Variants in PSMA8 observed in about 807,000 individuals in gnomAD.
PSMA8 encodes the protein proteasome subunit alpha-type 8.
A neutral mutation model predicts 32.4 loss-of-function variants in PSMA8; 18 were observed. That is an observed-to-expected ratio of 0.56 (90% CI 0.38 to 0.82). The LOEUF (loss-of-function observed/expected upper bound fraction) is 0.82, where lower values mean the gene tolerates loss of function less well. PSMA8 is among the 40% of genes least tolerant of loss of function. The probability of loss-of-function intolerance (pLI) is 0.00; values close to 1 mark genes in which losing one functional copy is unlikely to be tolerated. For missense variants in PSMA8, 298 were observed against 300.7 expected (o/e 0.99, Z 0.07); for synonymous variants, 104 against 98.1 (o/e 1.06, Z -0.36).
chr18:26,175,037 C>T (rs1458739111), intron 4 of PSMA8, among the ~76,000 whole-genome samples: 1 of 152,190 alleles, frequency 6.6e-6, no homozygotes, highest in African/African-American at 2.4e-5. Context: ...ATATAATCCT[C>T]CAATTTATTG....
chr18:26,147,711 G>A lies in PSMA8; in HGVS notation c.229+3026G>A, dbSNP rs149785890. The stretch of plus-strand genomic sequence containing the variant: ...TAAATTTGAGAAAAAGAAGTATAAA[G>A]ATCAGAACATAGATAAATAACAGAA... On this transcript the variant is annotated intron_variant, in intron 2 of 6. Transcript: ENST00000415576. Among the ~76,000 whole-genome samples, 1,252 of 152,080 alleles carry A rather than the reference G, an allele frequency of 8.2e-3. 17 individuals carry two copies. Among genetic ancestry groups the A allele is most frequent in the African/African-American group, 0.029 (1,196 of 41,508 alleles).
In PSMA8 at chr18:26,162,330, C is replaced by G. The variant is rs539554490; in HGVS notation, c.477+4086C>G. On this transcript the variant is annotated intron_variant, in intron 4 of 6. Coordinates refer to ENST00000415576, the MANE Select transcript of PSMA8 (RefSeq NM_001025096.2). The stretch of plus-strand genomic sequence containing the variant: ...CCATCCCCTTTCCCTCCTCTGCCCT[C>G]CCCTGTTAACCACCATTCTATTCTC... Among the ~76,000 whole-genome samples the G allele has an allele frequency of 3.9e-5, 6 of 152,172 alleles. No individual in the cohort carries two copies. In the South Asian group the frequency reaches 1.2e-3, roughly 32 times the overall value.
At chr18:26,142,266 C>T (rs528809534) in intron 1 of PSMA8, among the ~76,000 whole-genome samples, 10 of 152,106 alleles carry the variant, frequency 6.6e-5, no homozygotes, top group Admixed American at 6.5e-4. Context: ...GTCTCTATCT[C>T]CTGACCTCGT....
chr18:26,157,677 T>A (rs1598652709), intron 3 of PSMA8, among the ~76,000 whole-genome samples: 1 of 152,206 alleles, frequency 6.6e-6, no homozygotes, highest in Admixed American at 6.5e-5. Context: ...GTGAACAGAA[T>A]GTCCTTGATA....
Position 26,178,893 on chromosome 18 carries a change from G to A in PSMA8, c.541G>A (p.Asp181Asn), listed in dbSNP as rs1295881685. The change falls in exon 5 of 7, where the codon GAT becomes AAT. Residue 181 changes from aspartate (D) to asparagine (N), a missense_variant. Asp to Asn is a conservative substitution (Grantham distance 23). Coordinates refer to ENST00000415576, the MANE Select transcript of PSMA8 (RefSeq NM_001025096.2). Reference protein sequence around the residue: ...REFLEKNYTEDAIASDSEAIK... With the variant: ...REFLEKNYTENAIASDSEAIK... ...ATTTCTAGAAAAGAATTACACAGAA[G>A]ATGCCATAGCAAGTGACAGTGAAGC... 1 of 1,613,834 alleles carries A rather than the reference G, an allele frequency of 6.2e-7. No homozygotes were observed. Among genetic ancestry groups the A allele is most frequent in the Non-Finnish European group, 8.5e-7 (1 of 1,179,790 alleles).
At chr18:26,170,232 A>G (rs1205572165) in intron 4 of PSMA8, among the ~76,000 whole-genome samples, 2 of 127,326 alleles carry the variant, frequency 1.6e-5, no homozygotes, top group South Asian at 2.2e-4. Flanking sequence ...GGGTTCCCCA[A>G]TCTAAGACAG....
chr18:26,136,414 CATCAA>C (rs1568051609), intron 1 of PSMA8, among the ~76,000 whole-genome samples: 1 of 152,186 alleles, frequency 6.6e-6, no homozygotes, highest in Non-Finnish European at 1.5e-5. Context: ...ACAATGTAGC[CATCAA>C]AGTCTTCCAT....
intron 6 of PSMA8, among the ~76,000 whole-genome samples, chr18:26,179,914 C>A (rs564014647): frequency 2.0e-5 from 3 of 148,940 alleles, no homozygotes; most frequent in African/African-American, 7.4e-5. Flanking sequence ...ACAAGACCCC[C>A]ATCTCTATGA....
At chr18:26,140,017 TC>T in intron 1 of PSMA8, 1 of 702,642 alleles carries the variant, frequency 1.4e-6, no homozygotes, top group Non-Finnish European at 2.6e-6. Flanking sequence ...TTCATAGATC[TC>T]CATACTTTAT....
chr18:26,134,367 C>T (rs7230695), intron 1 of PSMA8, among the ~76,000 whole-genome samples: 1 of 131,906 alleles, frequency 7.6e-6, no homozygotes, highest in African/African-American at 3.5e-5. Flanking sequence ...GTGTGTGTCT[C>T]TGTGTGTGTG....
chr18:26,179,755 C>T (rs1431713229), intron 6 of PSMA8, among the ~76,000 whole-genome samples: 2 of 151,842 alleles, frequency 1.3e-5, no homozygotes, highest in Non-Finnish European at 2.9e-5. Context: ...AAAAAGCACT[C>T]AAAATTTGGG....
rs553739415 is a variant in PSMA8 at position 26,157,065 on chromosome 18, G to A, written c.355-1057G>A. Reference sequence around the variant, plus strand: ...CTCCCAAAGTGGTGGGATTACAGGCGTGAGCCACTGCATCCAACCTAAAAA... The same window carrying A: ...CTCCCAAAGTGGTGGGATTACAGGCATGAGCCACTGCATCCAACCTAAAAA... On this transcript the variant is annotated intron_variant, in intron 3 of 6. Transcript: ENST00000415576. 2.0e-4 allele frequency among the ~76,000 whole-genome samples: 30 copies of A among 151,238 alleles called. No individual in the cohort carries two copies. The East Asian group carries it at 3.9e-3, about 20-fold the overall frequency.
chr18:26,165,580 A>G (rs1264102211), intron 4 of PSMA8, among the ~76,000 whole-genome samples: 2 of 152,106 alleles, frequency 1.3e-5, no homozygotes, highest in Non-Finnish European at 2.9e-5. Flanking sequence ...TTCCCCCCCC[A>G]AGATTGGCAA....
Position 26,144,582 on chromosome 18 carries a change from A to G in PSMA8, c.126A>G (p.Ile42Met), listed in dbSNP as rs373058718. 138 of 1,613,094 alleles carry G rather than the reference A, an allele frequency of 8.6e-5. No homozygotes were observed. Among genetic ancestry groups the G allele is most frequent in the Non-Finnish European group, 1.2e-4 (136 of 1,179,238 alleles). Reference protein sequence around the residue: ...STAVGIRGTNIVVLGVEKKSV... With the variant: ...STAVGIRGTNMVVLGVEKKSV... ...AGGTCGGAATTCGAGGTACCAATAT[A>G]GTTGTTCTTGGGGTAGAAAAAAAAT... Residue 42 changes from isoleucine (I) to methionine (M), a missense_variant, in exon 2 of 7, where the codon ATA becomes ATG. By Grantham distance (10) the Ile-to-Met change is conservative. Transcript: ENST00000415576.
intron 4 of PSMA8, among the ~76,000 whole-genome samples, chr18:26,159,147 T>G (rs188554834): frequency 6.6e-6 from 1 of 152,336 alleles, no homozygotes; most frequent in African/African-American, 2.4e-5. Flanking sequence ...TACCCAGATT[T>G]TAAATAGTTT....
intron 1 of PSMA8, among the ~76,000 whole-genome samples, chr18:26,142,301 A>G (rs550924344): frequency 3.3e-5 from 5 of 152,194 alleles, no homozygotes; most frequent in East Asian, 3.9e-4. Flanking sequence ...GGCCTCCCCA[A>G]TAATGCTACT....
At chr18:26,187,866 T>A (rs1280954092) in intron 6 of PSMA8, among the ~76,000 whole-genome samples, 1 of 152,180 alleles carries the variant, frequency 6.6e-6, no homozygotes, top group Non-Finnish European at 1.5e-5. Flanking sequence ...TTTTCAGCAT[T>A]GGACAGATCT....
In PSMA8 at chr18:26,192,755, A is replaced by T. The variant is rs974355056; in HGVS notation, c.*344A>T. On this transcript the variant is annotated 3_prime_UTR_variant, in exon 7 of 7. Transcript: ENST00000415576. The stretch of plus-strand genomic sequence containing the variant: ...ATTAAAAAAATTTAATAATTTGGTG[A>T]TGTTTGAATATTGACTGTCAGTTAA... 1 of 152,914 alleles carries T rather than the reference A, an allele frequency of 6.5e-6. No individual in the cohort carries two copies. The highest frequency in any genetic ancestry group is 1.5e-5 in the Non-Finnish European group (1 of 68,594). 9.5% of individuals were successfully genotyped at this position (152,914 alleles called of 1,614,324 possible).
At chr18:26,171,362 A>T in intron 4 of PSMA8, 1 of 1,415,500 alleles carries the variant, frequency 7.1e-7, no homozygotes, top group South Asian at 1.2e-5. Context: ...AATTGTCGGT[A>T]TTTTGTTATG....
Sources: allele counts gnomAD v4.1 joint callset (sites outside exome capture counted in the v4.1 genomes callset), GRCh38; gene constraint gnomAD v4.1.1; transcripts MANE v1.5; gene names NCBI Gene and HGNC (gene_info 2026-07-23, HGNC 2026-07-21).